Variants in AFG2A observed in about 807,000 individuals in gnomAD.
The protein encoded by AFG2A is AAA ATPase AFG2A.
At chr4:123,071,182 G>A in the AFG2A span, among the ~76,000 whole-genome samples, 1 of 152,162 alleles carries the variant, frequency 6.6e-6, no homozygotes, top group Non-Finnish European at 1.5e-5. Flanking sequence ...GTGAGTTTAA[G>A]AATCACTTGT....
At chr4:123,015,627 C>T in the AFG2A span, among the ~76,000 whole-genome samples, 1 of 151,300 alleles carries the variant, frequency 6.6e-6, no homozygotes, top group Admixed American at 6.6e-5. Context: ...TCAATCCTTT[C>T]CCCGCCTTTC....
chr4:123,287,813 A>G, the AFG2A span, among the ~76,000 whole-genome samples: 117,063 of 152,084 alleles, frequency 0.77, 45,935 homozygotes, highest in Non-Finnish European at 0.85. Flanking sequence ...TTACAGGGAG[A>G]GCTGCAGGTT....
At chr4:122,972,148 G>A in the AFG2A span, among the ~76,000 whole-genome samples, 1 of 152,028 alleles carries the variant, frequency 6.6e-6, no homozygotes, top group African/African-American at 2.4e-5. Context: ...AATTTTCTCT[G>A]TAGGAAAGGT....
chr4:123,285,399 C>T, the AFG2A span, among the ~76,000 whole-genome samples: 1 of 152,094 alleles, frequency 6.6e-6, no homozygotes, highest in Non-Finnish European at 1.5e-5. Flanking sequence ...GCTTTCCCTT[C>T]TCATTTTTTC....
chr4:122,966,719 G>A, the AFG2A span, among the ~76,000 whole-genome samples: 20 of 152,156 alleles, frequency 1.3e-4, no homozygotes, highest in South Asian at 2.1e-4. Context: ...TGTTCCTGAC[G>A]TGTTTTTGTG....
At chr4:122,947,336 T>A in the AFG2A span, 3 of 1,614,026 alleles carry the variant, frequency 1.9e-6, no homozygotes, top group East Asian at 6.7e-5. Flanking sequence ...GAGATTGAGA[T>A]TGGAGTTCCC....
chr4:123,209,986 A>C, the AFG2A span, among the ~76,000 whole-genome samples: 5 of 152,232 alleles, frequency 3.3e-5, no homozygotes, highest in East Asian at 9.7e-4. Flanking sequence ...TGCAGTCCCT[A>C]GACTTTGGTT....
the AFG2A span, among the ~76,000 whole-genome samples, chr4:123,053,086 C>T: frequency 8.5e-5 from 13 of 152,344 alleles, no homozygotes; most frequent in East Asian, 1.7e-3. Context: ...CCCACCCAAA[C>T]TGAGGGTGGG....
At chr4:122,964,213 A>T in the AFG2A span, among the ~76,000 whole-genome samples, 4 of 152,136 alleles carry the variant, frequency 2.6e-5, no homozygotes, top group Admixed American at 2.6e-4. Context: ...TTGGTGCAAA[A>T]GTAATTGCGG....
At chr4:123,045,322 T>G in the AFG2A span, among the ~76,000 whole-genome samples, 126,443 of 151,910 alleles carry the variant, frequency 0.83, 53,791 homozygotes, top group East Asian at 0.97. Context: ...TTCTACAAAA[T>G]CAAATTCTCT....
chr4:123,134,928 C>G, the AFG2A span, among the ~76,000 whole-genome samples: 3,265 of 152,116 alleles, frequency 0.021, 110 homozygotes, highest in African/African-American at 0.074. Context: ...GAATCACCCT[C>G]TTACCAAAGC....
At chr4:123,204,537 A>G in the AFG2A span, among the ~76,000 whole-genome samples, 15 of 152,234 alleles carry the variant, frequency 9.9e-5, no homozygotes, top group African/African-American at 3.6e-4. Context: ...ACTTTTGCAC[A>G]TTTTCCTTTG....
chr4:123,049,530 T>C, the AFG2A span, among the ~76,000 whole-genome samples: 1 of 152,110 alleles, frequency 6.6e-6, no homozygotes, highest in Non-Finnish European at 1.5e-5. Flanking sequence ...CTTCTTGTTA[T>C]TGCTTTTCTG....
the AFG2A span, among the ~76,000 whole-genome samples, chr4:123,311,804 T>G: frequency 6.7e-6 from 1 of 149,462 alleles, no homozygotes; most frequent in Non-Finnish European, 1.5e-5. Flanking sequence ...TGTGCTGTAT[T>G]AGGCTCCCTG....
chr4:123,217,568 A>G, the AFG2A span, among the ~76,000 whole-genome samples: 2 of 152,302 alleles, frequency 1.3e-5, 1 homozygote, highest in Non-Finnish European at 2.9e-5. Flanking sequence ...GAAAACTTAC[A>G]CAGCTGAAGT....
the AFG2A span, among the ~76,000 whole-genome samples, chr4:123,112,871 G>A: frequency 6.6e-6 from 1 of 151,994 alleles, no homozygotes; most frequent in Non-Finnish European, 1.5e-5. Flanking sequence ...TATAAAATCT[G>A]AAGATTTTTA....
chr4:123,280,558 T>C, the AFG2A span, among the ~76,000 whole-genome samples: 1 of 152,234 alleles, frequency 6.6e-6, no homozygotes, highest in African/African-American at 2.4e-5. Context: ...GAACAATCCA[T>C]TTCTTTGCCT....
chr4:123,274,717 G>A, the AFG2A span, among the ~76,000 whole-genome samples: 1 of 151,932 alleles, frequency 6.6e-6, no homozygotes, highest in Admixed American at 6.6e-5. Context: ...GTTTTGAGAG[G>A]CTGTCTGGGA....
At chr4:123,314,304 T>A in the AFG2A span, 1 of 299,136 alleles carries the variant, frequency 3.3e-6, no homozygotes, top group African/African-American at 2.2e-5. Flanking sequence ...AAAAAACAAA[T>A]GTTTAGCTTT....
Sources: allele counts gnomAD v4.1 joint callset (sites outside exome capture counted in the v4.1 genomes callset), GRCh38; gene constraint gnomAD v4.1.1; transcripts MANE v1.5; gene names NCBI Gene and HGNC (gene_info 2026-07-23, HGNC 2026-07-21).